The following HEPH variants were observed in gnomAD, a reference collection of about 807,000 sequenced individuals.
HEPH encodes the protein hephaestin.
Under a neutral mutation model 80.8 loss-of-function variants are expected in HEPH, and 69 were observed. The ratio of observed to expected loss-of-function variants is 0.85; its 90% confidence interval spans 0.70 to 1.04. The LOEUF (loss-of-function observed/expected upper bound fraction) is 1.04, where lower values mean the gene tolerates loss of function less well. Among genes scored for constraint, HEPH ranks in the 50% least tolerant of loss-of-function variants. The probability of loss-of-function intolerance (pLI) is 0.00; values close to 1 mark genes in which losing one functional copy is unlikely to be tolerated. For synonymous variants in HEPH, 431 were observed against 322.8 expected (o/e 1.34, Z -3.60); for missense variants, 1,115 against 891.3 (o/e 1.25, Z -3.20).
intron 15 of HEPH, among the ~76,000 whole-genome samples, chrX:66,233,396 A>G (rs1383410226): frequency 1.8e-5 from 2 of 111,419 alleles, no homozygotes; most frequent in African/African-American, 6.5e-5. Flanking sequence ...AATGACAACA[A>G]TTCTGGGTCT....
intron 10 of HEPH, among the ~76,000 whole-genome samples, chrX:66,198,484 T>TTTGA (rs1431726571): frequency 1.8e-5 from 2 of 111,857 alleles, no homozygotes; most frequent in African/African-American, 6.5e-5. Flanking sequence ...GTAACAATAA[T>TTTGA]TATCACTGAT....
At chrX:66,261,915 C>A (rs1159430891) in intron 19 of HEPH, among the ~76,000 whole-genome samples, 1 of 112,271 alleles carries the variant, frequency 8.9e-6, no homozygotes, top group African/African-American at 3.2e-5. Context: ...ATTGATACAT[C>A]ATCAGGTTGA....
chrX:66,255,563 C>A (rs1194454139), intron 16 of HEPH, among the ~76,000 whole-genome samples: 1 of 111,816 alleles, frequency 8.9e-6, no homozygotes, highest in Non-Finnish European at 1.9e-5. Context: ...ATCGATCTAG[C>A]CATCCATCTA....
At chrX:66,169,105 C>T (rs2086484707) in intron 1 of HEPH, among the ~76,000 whole-genome samples, 1 of 111,168 alleles carries the variant, frequency 9.0e-6, no homozygotes, top group South Asian at 3.8e-4. Context: ...CGATTTTTAT[C>T]TAGATGGCCT....
chrX:66,231,780 G>A, intron 15 of HEPH, among the ~76,000 whole-genome samples: 1 of 105,984 alleles, frequency 9.4e-6, no homozygotes, highest in Non-Finnish European at 1.9e-5. Context: ...TCCTTCTCCT[G>A]CCTAATTGCC....
At position 66,266,457 on chromosome X, in the gene HEPH, A is replaced by G. The variant is rs1247908265; in HGVS notation, c.3262A>G (p.Ile1088Val). 8.3e-7 allele frequency: 1 copy of G among 1,205,778 alleles called. No individual in the cohort carries two copies. The highest frequency in any genetic ancestry group is 1.1e-6 in the Non-Finnish European group (1 of 893,335). Reference sequence around the variant, plus strand: ...CATTTCAGCAGTGCCCCCCAGAGACATTGAAGAAGGCAATGTGAAGATGCT... The same window carrying G: ...CATTTCAGCAGTGCCCCCCAGAGACGTTGAAGAAGGCAATGTGAAGATGCT... ...ETEKAVPPRD[I>V]EEGNVKMLGM... The change falls in exon 21 of 21, where the codon ATT (isoleucine) becomes GTT (valine). Residue 1088 changes from isoleucine (I) to valine (V), a missense_variant. By Grantham distance (29) the Ile-to-Val change is conservative. This residue lies in a region of HEPH where 716 missense variants were observed against 523.5 expected (regional missense o/e 1.37). Transcript: ENST00000343002.
chrX:66,210,372 G>T (rs2089045151), intron 15 of HEPH, among the ~76,000 whole-genome samples: 1 of 111,942 alleles, frequency 8.9e-6, no homozygotes, highest in Non-Finnish European at 1.9e-5. Context: ...CAGTGAGTAT[G>T]GCTTAATTTT....
At chrX:66,203,634 A>G in intron 13 of HEPH, 57 bp downstream of exon 13, 2 of 1,034,206 alleles carry the variant, frequency 1.9e-6, no homozygotes, top group Non-Finnish European at 2.7e-6. Context: ...GCAAATGAGA[A>G]TACTGAAATT....
In HEPH at chrX:66,259,075, T is replaced by A. The variant is rs751957352; in HGVS notation, c.3036+96T>A. 6 of 882,657 alleles carry A rather than the reference T, an allele frequency of 6.8e-6. No individual in the cohort carries two copies. The African/African-American group carries it at 1.5e-4, about 21-fold the overall frequency. The allele number at this position is 882,657 out of a possible 1,213,427, so 72.7% of individuals were successfully genotyped here. On this transcript the variant is annotated intron_variant, in intron 18 of 20. Transcript: ENST00000343002. ...GGTAACAGTGTGGAACAGGTAACAA[T>A]TAGTTAAAGAGCAGAGGTCTAGTAC...
intron 2 of HEPH, among the ~76,000 whole-genome samples, chrX:66,171,888 A>G (rs966631709): frequency 8.9e-6 from 1 of 111,965 alleles, no homozygotes; most frequent in Non-Finnish European, 1.9e-5. Flanking sequence ...AATTGTGTTC[A>G]GAGAAGTTAA....
At chrX:66,221,619 G>C (rs2089651586) in intron 15 of HEPH, among the ~76,000 whole-genome samples, 1 of 112,829 alleles carries the variant, frequency 8.9e-6, no homozygotes, top group Non-Finnish European at 1.9e-5. Flanking sequence ...GGGCCCCACA[G>C]TCTGGGTTAA....
intron 4 of HEPH, among the ~76,000 whole-genome samples, chrX:66,181,061 G>A (rs1450508429): frequency 6.3e-5 from 4 of 63,817 alleles, no homozygotes; most frequent in Non-Finnish European, 1.1e-4. Flanking sequence ...GTATTCCATG[G>A]TGTATATGTG....
intron 15 of HEPH, among the ~76,000 whole-genome samples, chrX:66,237,172 T>C (rs1175364984): frequency 9.1e-6 from 1 of 110,393 alleles, no homozygotes; most frequent in Non-Finnish European, 1.9e-5. Context: ...GCTTTGGGAT[T>C]GTTTTTTTCT....
intron 15 of HEPH, among the ~76,000 whole-genome samples, chrX:66,214,592 G>A (rs376054285): frequency 1.8e-5 from 2 of 111,349 alleles, no homozygotes; most frequent in African/African-American, 3.3e-5. Context: ...TCACAAAGAC[G>A]TTCTGCTGCA....
Position 66,257,663 on chromosome X carries a change from A to T in HEPH, c.2897-1177A>T, listed in dbSNP as rs769313686. 5.3e-5 allele frequency among the ~76,000 whole-genome samples: 6 copies of T among 112,301 alleles called. No homozygotes were observed. In the East Asian group the frequency reaches 1.7e-3, roughly 32 times the overall value. ...AATCATACCCCACAGTGAAATAATG[A>T]ATCGGCTATTGCCCATTTCTGTGGC... is the stretch of plus-strand genomic sequence containing the variant. On this transcript the variant is annotated intron_variant, in intron 17 of 20. Transcript: ENST00000343002.
intron 15 of HEPH, among the ~76,000 whole-genome samples, chrX:66,237,880 C>A (rs1041559081): frequency 1.8e-5 from 2 of 111,737 alleles, no homozygotes; most frequent in African/African-American, 6.5e-5. Flanking sequence ...TATGTAATAC[C>A]TTTTCTTTCT....
In HEPH at chrX:66,195,194, A is replaced by G. The variant is rs938328206; in HGVS notation, c.1466A>G (p.Tyr489Cys). The change falls in exon 9 of 21, where the codon TAT (tyrosine) becomes TGT (cysteine). Residue 489 changes from tyrosine (Y) to cysteine (C), a missense_variant. By Grantham distance (194) the Tyr-to-Cys change is radical. Transcript: ENST00000343002. ...PFSMQPHGVF[Y>C]EKDYEGTVYN... is the part of the protein sequence containing the mutation. Reference sequence around the variant, plus strand: ...AGCATGCAGCCCCATGGGGTCTTTTATGAGAAAGACTATGAAGGCACTGTG... The same window carrying G: ...AGCATGCAGCCCCATGGGGTCTTTTGTGAGAAAGACTATGAAGGCACTGTG... 2.5e-6 allele frequency: 3 copies of G among 1,198,265 alleles called. No homozygotes were observed. The African/African-American group carries it at 5.3e-5, about 21-fold the overall frequency.
chrX:66,218,554 A>G (rs766530374), intron 15 of HEPH, among the ~76,000 whole-genome samples: 1 of 112,100 alleles, frequency 8.9e-6, no homozygotes, highest in South Asian at 3.8e-4. Flanking sequence ...GTGCAAATGT[A>G]GCAGGACAAG....
intron 20 of HEPH, among the ~76,000 whole-genome samples, chrX:66,265,757 A>G (rs1269281681): frequency 5.4e-5 from 6 of 111,788 alleles, no homozygotes; most frequent in Non-Finnish European, 1.1e-4. Flanking sequence ...TTTTATGAGG[A>G]GGAAAGAATG....
Sources: allele counts gnomAD v4.1 joint callset (sites outside exome capture counted in the v4.1 genomes callset), GRCh38; gene constraint gnomAD v4.1.1; regional missense constraint gnomAD v4.1.1; transcripts MANE v1.5; gene names NCBI Gene and HGNC (gene_info 2026-07-23, HGNC 2026-07-21).